Variants in FRMD6 observed in about 807,000 individuals in gnomAD.
FRMD6 encodes FERM domain containing 6, also known as FERM domain-containing protein 6.
Under a neutral mutation model 73.2 loss-of-function variants are expected in FRMD6, and 37 were observed. The ratio of observed to expected loss-of-function variants is 0.51; its 90% CI spans 0.39 to 0.66. FRMD6 has a LOEUF of 0.66. Ranked by LOEUF, FRMD6 falls within the 30% of genes least tolerant of loss-of-function variation. The probability of loss-of-function intolerance (pLI) is 0.00; values close to 1 mark genes in which losing one functional copy is unlikely to be tolerated. For missense variants in FRMD6, 714 were observed against 780.5 expected (o/e 0.91, Z 1.02); for synonymous variants, 273 against 282.2 (o/e 0.97, Z 0.33).
At chr14:51,495,592 T>C (rs1883249950) in intron 1 of FRMD6, among the ~76,000 whole-genome samples, 2 of 152,214 alleles carry the variant, frequency 1.3e-5, no homozygotes, top group Admixed American at 6.5e-5. Context: ...AATTCATTTA[T>C]AGTTCTCCTC....
intron 2 of FRMD6, among the ~76,000 whole-genome samples, chr14:51,572,946 A>G (rs1209636763): frequency 6.6e-6 from 1 of 152,214 alleles, no homozygotes; most frequent in East Asian, 1.9e-4. Flanking sequence ...CAGAGAGAAG[A>G]CTAATTTTCT....
the FRMD6 span, among the ~76,000 whole-genome samples, chr14:51,414,232 C>T: frequency 1.3e-5 from 2 of 152,162 alleles, no homozygotes; most frequent in East Asian, 3.9e-4. Context: ...CTTGCTCATG[C>T]CTATGTCCTG....
At chr14:51,438,028 C>G in the FRMD6 span, among the ~76,000 whole-genome samples, 2 of 152,250 alleles carry the variant, frequency 1.3e-5, no homozygotes, top group African/African-American at 4.8e-5. Flanking sequence ...TAGCATTTCC[C>G]AACATGCATC....
At chr14:51,583,346 C>T (rs1389049694) in intron 2 of FRMD6, among the ~76,000 whole-genome samples, 1 of 152,160 alleles carries the variant, frequency 6.6e-6, no homozygotes, top group Non-Finnish European at 1.5e-5. Flanking sequence ...TGCTGTAATG[C>T]TTTGAATTCC....
chr14:51,474,536 A>G, the FRMD6 span, among the ~76,000 whole-genome samples: 1 of 152,128 alleles, frequency 6.6e-6, no homozygotes, highest in Non-Finnish European at 1.5e-5. Context: ...TTGCCTTTGA[A>G]CTAGTGAGAT....
intron 1 of FRMD6, among the ~76,000 whole-genome samples, chr14:51,559,144 C>G (rs145201045): frequency 1.3e-5 from 2 of 152,298 alleles, no homozygotes; most frequent in African/African-American, 4.8e-5. Flanking sequence ...TCAACATACC[C>G]CGGCAAATAG....
intron 5 of FRMD6, among the ~76,000 whole-genome samples, chr14:51,702,836 T>C (rs1437795919): frequency 6.6e-6 from 1 of 151,362 alleles, no homozygotes; most frequent in East Asian, 1.9e-4. Flanking sequence ...ATAAAAATAT[T>C]AACAGTATCT....
intron 1 of FRMD6, among the ~76,000 whole-genome samples, chr14:51,677,365 C>T (rs1283640843): frequency 1.3e-5 from 2 of 151,882 alleles, no homozygotes; most frequent in East Asian, 3.8e-4. Flanking sequence ...ACAGCAAAGT[C>T]ATTATCTAGA....
At chr14:51,488,019 C>T (rs967783363), upstream of FRMD6, among the ~76,000 whole-genome samples, 2 of 152,282 alleles carry the variant, frequency 1.3e-5, no homozygotes, top group African/African-American at 4.8e-5. Context: ...AGTGTTCAAA[C>T]GATGTAGTAA....
chr14:51,685,493 T>G (rs187868869), intron 1 of FRMD6, among the ~76,000 whole-genome samples: 6 of 152,326 alleles, frequency 3.9e-5, no homozygotes, highest in Middle Eastern at 6.8e-3. Context: ...ACAGCAACAT[T>G]TGGCAGACAG....
the FRMD6 span, among the ~76,000 whole-genome samples, chr14:51,468,591 G>A: frequency 2.1e-4 from 32 of 151,946 alleles, no homozygotes; most frequent in African/African-American, 7.5e-4. Context: ...ATTTGACATT[G>A]TTTTTAGAAC....
the FRMD6 span, among the ~76,000 whole-genome samples, chr14:51,483,862 C>G: frequency 6.6e-6 from 1 of 152,158 alleles, no homozygotes; most frequent in African/African-American, 2.4e-5. Flanking sequence ...TTTCATGTAA[C>G]TCTTAGAACA....
chr14:51,666,448 A>G (rs985074014), intron 1 of FRMD6, among the ~76,000 whole-genome samples: 3 of 152,244 alleles, frequency 2.0e-5, no homozygotes, highest in African/African-American at 7.2e-5. Flanking sequence ...TCAGATTTAA[A>G]TAATGGAGTA....
At chr14:51,625,837 G>T (rs1158286645) in intron 2 of FRMD6, among the ~76,000 whole-genome samples, 1 of 152,114 alleles carries the variant, frequency 6.6e-6, no homozygotes, top group Non-Finnish European at 1.5e-5. Context: ...CCCCTCTCTA[G>T]ATTCCCCTAG....
intron 1 of FRMD6, among the ~76,000 whole-genome samples, chr14:51,503,143 C>T (rs1281412222): frequency 6.6e-6 from 1 of 152,192 alleles, no homozygotes; most frequent in Non-Finnish European, 1.5e-5. Flanking sequence ...CATCTGCAAA[C>T]AAAGATAATT....
rs183115206 is a variant in FRMD6, at chr14:51,596,747, C to T, written c.-147+26337C>T. 4.6e-5 allele frequency among the ~76,000 whole-genome samples: 7 copies of T among 152,172 alleles called. No homozygotes were observed. The East Asian group carries it at 9.6e-4, about 21-fold the overall frequency. On this transcript the variant is annotated intron_variant, in intron 2 of 14. Transcript: ENST00000356218. ...AGAGTTACTCTGAGCAGAGCCCCAC[C>T]GCCTGGTTCAAAAGTTCATGGGCCC... is the stretch of plus-strand genomic sequence containing the variant.
chr14:51,721,551 A>AGTGAGC, intron 11 of FRMD6, among the ~76,000 whole-genome samples: 1 of 145,244 alleles, frequency 6.9e-6, no homozygotes, highest in East Asian at 2.3e-4. Context: ...CGGAGGTTGC[A>AGTGAGC]GTGAGCGGAG....
At chr14:51,603,003 G>C in intron 2 of FRMD6, among the ~76,000 whole-genome samples, 1 of 152,156 alleles carries the variant, frequency 6.6e-6, no homozygotes, top group East Asian at 1.9e-4. Context: ...TAACTCCCAA[G>C]GTATTAGGTG....
At chr14:51,705,841 G>C (rs1896594624) in intron 6 of FRMD6, among the ~76,000 whole-genome samples, 1 of 152,088 alleles carries the variant, frequency 6.6e-6, no homozygotes, top group African/African-American at 2.4e-5. Context: ...GACACCAGTT[G>C]CTTTATATTA....
Sources: gnomAD v4.1 joint callset for allele counts (sites outside exome capture counted in the v4.1 genomes callset) on GRCh38, gnomAD v4.1.1 for gene constraint, MANE v1.5 for transcripts, NCBI Gene and HGNC (gene_info 2026-07-23, HGNC 2026-07-21) for gene names.